Variants in CNTN4 observed in about 807,000 individuals in gnomAD.
The protein encoded by CNTN4 is contactin-4.
CNTN4 carries 77 observed loss-of-function variants against 122.5 expected under a neutral mutation model. The observed-to-expected ratio is 0.63, with a 90% CI of 0.52 to 0.76. CNTN4 has a LOEUF of 0.76. Ranked by LOEUF, CNTN4 falls within the 30% of genes least tolerant of loss-of-function variation. The pLI, the probability that CNTN4 is intolerant of heterozygous loss-of-function variation, is 0.00. For synonymous variants in CNTN4, 512 were observed against 447.0 expected (o/e 1.15, Z -1.83); for missense variants, 1,256 against 1,259.1 (o/e 1.00, Z 0.04).
intron 2 of CNTN4, among the ~76,000 whole-genome samples, chr3:2,122,584 G>A (rs1327808870): frequency 6.6e-6 from 1 of 152,136 alleles, no homozygotes; most frequent in East Asian, 1.9e-4. Context: ...GTAAACATGT[G>A]TGATTATATC....
At chr3:2,368,188 C>T (rs946578801) in intron 3 of CNTN4, among the ~76,000 whole-genome samples, 78 of 73,232 alleles carry the variant, frequency 1.1e-3, no homozygotes, top group African/African-American at 3.2e-3. Flanking sequence ...CCCGCCACCA[C>T]GCCCAGCTAA....
At chr3:2,284,064 G>A (rs2041820096) in intron 2 of CNTN4, among the ~76,000 whole-genome samples, 1 of 151,956 alleles carries the variant, frequency 6.6e-6, no homozygotes, top group Non-Finnish European at 1.5e-5. Flanking sequence ...TTAGCAGAGG[G>A]AAAAAGGAAA....
intron 4 of CNTN4, among the ~76,000 whole-genome samples, chr3:2,729,375 T>A (rs9849495): frequency 8.1e-5 from 12 of 147,492 alleles, no homozygotes; most frequent in Admixed American, 6.1e-4. Flanking sequence ...CCATCCCGGC[T>A]AACACAAAAT....
intron 4 of CNTN4, among the ~76,000 whole-genome samples, chr3:2,682,799 T>A (rs1056865429): frequency 4.6e-5 from 7 of 152,154 alleles, no homozygotes; most frequent in African/African-American, 1.7e-4. Flanking sequence ...GGCCTGCCTT[T>A]TAGCTATTAT....
At chr3:2,805,155 C>G (rs2092436334) in intron 6 of CNTN4, among the ~76,000 whole-genome samples, 1 of 151,902 alleles carries the variant, frequency 6.6e-6, no homozygotes, top group South Asian at 2.1e-4. Context: ...CCAGCCTGTG[C>G]AACAAGAACA....
At chr3:2,854,496 C>T (rs2093597162) in intron 7 of CNTN4, among the ~76,000 whole-genome samples, 1 of 151,984 alleles carries the variant, frequency 6.6e-6, no homozygotes, top group Admixed American at 6.6e-5. Flanking sequence ...TGGTCTCGAT[C>T]TCCTGACCTC....
intron 4 of CNTN4, 116 bp downstream of exon 4, chr3:2,571,674 A>C (rs1454830714): frequency 1.3e-6 from 1 of 767,716 alleles, no homozygotes; most frequent in East Asian, 2.6e-5. Flanking sequence ...ATATGCTGCT[A>C]TGACTAGCAT....
intron 2 of CNTN4, among the ~76,000 whole-genome samples, chr3:2,203,360 T>C (rs1011025174): frequency 6.6e-6 from 1 of 152,154 alleles, no homozygotes; most frequent in Admixed American, 6.6e-5. Context: ...AGTTAGACCC[T>C]GAGAAATGGG....
chr3:2,354,286 T>G (rs1298267068), intron 3 of CNTN4, among the ~76,000 whole-genome samples: 1 of 152,112 alleles, frequency 6.6e-6, no homozygotes, highest in Non-Finnish European at 1.5e-5. Flanking sequence ...ATCCCAGCAC[T>G]TTGGGAGGCC....
At chr3:2,649,283 G>T (rs1319964196) in intron 4 of CNTN4, among the ~76,000 whole-genome samples, 4 of 152,182 alleles carry the variant, frequency 2.6e-5, no homozygotes, top group African/African-American at 9.6e-5. Flanking sequence ...ATGCCATCCA[G>T]GACTTTGATA....
At position 3,040,534 on chromosome 3, in the gene CNTN4, C is replaced by T. The variant is rs967134187; in HGVS notation, c.2398+263C>T. Among the ~76,000 whole-genome samples, 32 of 152,216 alleles carry T rather than the reference C, an allele frequency of 2.1e-4. 1 individual carries two copies. The highest frequency in any genetic ancestry group is 1.0e-4 in the Non-Finnish European group (7 of 68,042). On this transcript the variant is annotated intron_variant, in intron 20 of 24. Coordinates refer to ENST00000418658, the MANE Select transcript of CNTN4 (RefSeq NM_175607.3). The stretch of plus-strand genomic sequence containing the variant: ...CAGAATTGCAAATACCATATAAGAT[C>T]TTCATATCTATCTATATGTTATCAT...
intron 3 of CNTN4, among the ~76,000 whole-genome samples, chr3:2,422,741 G>A (rs560877579): frequency 2.0e-5 from 3 of 152,276 alleles, no homozygotes; most frequent in African/African-American, 7.2e-5. Flanking sequence ...GAGATCTTTT[G>A]ACATAAAGAG....
intron 3 of CNTN4, among the ~76,000 whole-genome samples, chr3:2,488,448 G>A (rs1331714306): frequency 6.6e-6 from 1 of 152,128 alleles, no homozygotes; most frequent in African/African-American, 2.4e-5. Flanking sequence ...GTGTGAGTGA[G>A]TGTTGGGGGG....
chr3:2,900,736 A>G lies in CNTN4; in HGVS notation c.992A>G (p.Glu331Gly), dbSNP rs143967447. The G allele has an allele frequency of 3.0e-5, 48 of 1,613,978 alleles. No homozygotes were observed. The highest frequency in any genetic ancestry group is 1.0e-4 in the Admixed American group (6 of 60,028). Residue 331 changes from glutamate to glycine, a missense_variant, in exon 11 of 25, where the codon GAA becomes GGA. Transcript: ENST00000418658. ...KINDIHVAME[E>G]NVFWECKANG... ...AATGATATTCACGTGGCCATGGAAGAAAATGTCTTTTGGGAATGTAAAGCA... is the reference window on the plus strand; with the variant it reads ...AATGATATTCACGTGGCCATGGAAGGAAATGTCTTTTGGGAATGTAAAGCA...
intron 12 of CNTN4, among the ~76,000 whole-genome samples, chr3:2,923,694 A>G (rs941194992): frequency 6.6e-6 from 1 of 152,140 alleles, no homozygotes; most frequent in Non-Finnish European, 1.5e-5. Context: ...TCTTCCATCA[A>G]GCTACCTTCT....
At chr3:2,116,323 T>A (rs1312327396) in intron 2 of CNTN4, among the ~76,000 whole-genome samples, 2 of 152,098 alleles carry the variant, frequency 1.3e-5, no homozygotes, top group African/African-American at 4.8e-5. Flanking sequence ...CTCCAATCCA[T>A]CATTCCTGTC....
Position 2,357,622 on chromosome 3 carries a change from G to C in CNTN4, c.-89+18389G>C, listed in dbSNP as rs189182091. On this transcript the variant is annotated intron_variant, in intron 3 of 24. Coordinates refer to ENST00000418658, the MANE Select transcript of CNTN4 (RefSeq NM_175607.3). ...TTGATACTAAAATTTTGACAGCTGA[G>C]AGTATATTTTCAGCAACAAGATGAG... Among the ~76,000 whole-genome samples the C allele has an allele frequency of 7.6e-4, 116 of 152,318 alleles. 1 individual carries two copies. The highest frequency in any genetic ancestry group is 3.9e-4 in the Admixed American group (6 of 15,306).
intron 3 of CNTN4, among the ~76,000 whole-genome samples, chr3:2,462,905 T>A (rs1575685461): frequency 6.6e-6 from 1 of 152,180 alleles, no homozygotes; most frequent in African/African-American, 2.4e-5. Context: ...GATATAAAAA[T>A]TATTAATGGG....
intron 2 of CNTN4, among the ~76,000 whole-genome samples, chr3:2,325,043 G>A (rs1235101343): frequency 6.6e-6 from 1 of 152,078 alleles, no homozygotes; most frequent in Non-Finnish European, 1.5e-5. Flanking sequence ...AACCTGAAGG[G>A]GTAGTGAAAA....
Sources: gnomAD v4.1 joint callset for allele counts (sites outside exome capture counted in the v4.1 genomes callset) on GRCh38, gnomAD v4.1.1 for gene constraint, MANE v1.5 for transcripts, NCBI Gene and HGNC (gene_info 2026-07-23, HGNC 2026-07-21) for gene names.